The following L3MBTL2 variants were observed in gnomAD, a reference collection of about 807,000 sequenced individuals.
L3MBTL2 encodes the protein L3MBTL histone methyl-lysine binding protein 2.
A neutral mutation model predicts 86.4 loss-of-function variants in L3MBTL2; 49 were observed. The ratio of observed to expected loss-of-function variants is 0.57; its 90% CI spans 0.45 to 0.72. L3MBTL2 has a LOEUF of 0.72. Ranked by LOEUF, L3MBTL2 falls within the 30% of genes least tolerant of loss-of-function variation. The pLI is 0.00. For missense variants in L3MBTL2, 755 were observed against 923.7 expected, an observed-to-expected ratio of 0.82 and a Z score of 2.37; for synonymous variants, 336 against 350.6, an observed-to-expected ratio of 0.96 and a Z score of 0.47.
Position 41,224,882 on chromosome 22 carries a change from C to A in L3MBTL2, c.1251+81C>A. On this transcript the variant is annotated intron_variant, in intron 10 of 16. Transcript: ENST00000216237. The surrounding 1 kb of genome is among the most constrained non-coding windows in gnomAD (Gnocchi z 4.9). ...GAGGGACCTGGCTCTTCCCCTGGGA[C>A]CATCCCTTTCCCTCCTGAGGCCTGC... 1 of 1,553,262 alleles carries A rather than the reference C, an allele frequency of 6.4e-7. No individual in the cohort carries two copies. The highest frequency in any genetic ancestry group is 8.9e-7 in the Non-Finnish European group (1 of 1,125,952).
Position 41,225,614 on chromosome 22 carries a change from C to T in L3MBTL2, c.1357-180C>T, listed in dbSNP as rs1344953116. ...GTCTAGTGGGGAAGAGAAAGAATCC[C>T]ACGCGTATGCATCACAGAAGTACTG... On this transcript the variant is annotated intron_variant, in intron 11 of 16. Transcript: ENST00000216237. This position sits in a 1 kb window ranked among gnomAD's most constrained non-coding sequence, Gnocchi z 4.1. 6.6e-6 allele frequency among the ~76,000 whole-genome samples: 1 copy of T among 152,244 alleles called. No individual in the cohort carries two copies. The highest frequency in any genetic ancestry group is 2.4e-5 in the African/African-American group (1 of 41,466).
chr22:41,230,149 G>T lies in L3MBTL2; in HGVS notation c.2016G>T (p.Val672=), dbSNP rs753748411. 25 of 1,504,226 alleles carry T rather than the reference G, an allele frequency of 1.7e-5. 1 individual carries two copies. In the South Asian group the frequency reaches 2.6e-4, roughly 15 times the overall value. The allele number at this position is 1,504,226 out of a possible 1,614,324, so 93.2% of individuals were successfully genotyped here. The change falls in exon 17 of 17, where the codon GTG becomes GTT. Residue 672 remains valine, a synonymous_variant. Coordinates refer to ENST00000216237, the MANE Select transcript of L3MBTL2 (RefSeq NM_031488.5). ...SEPVPGEIIA[V]RVKEEHLDVA... The stretch of plus-strand genomic sequence containing the variant: ...CCCCTCCCTCTTCAGTCATTGCTGT[G>T]CGTGTGAAGGAAGAGCATCTAGACG...
At chr22:41,217,005 AG>A (rs1431257833) in intron 4 of L3MBTL2, 117 bp from the exon 5 acceptor site, 1 of 726,218 alleles carries the variant, frequency 1.4e-6, no homozygotes, top group Non-Finnish European at 2.4e-6. Flanking sequence ...GCGCTGTGAG[AG>A]GGGCTGCTGG....
intron 3 of L3MBTL2, 42 bp from the exon 4 acceptor site, chr22:41,216,097 C>T: frequency 6.3e-7 from 1 of 1,575,592 alleles, no homozygotes; most frequent in Non-Finnish European, 8.6e-7. Context: ...GACTCATGAT[C>T]CCAGCCGCCA....
intron 2 of L3MBTL2, 122 bp downstream of exon 2, chr22:41,210,055 T>G: frequency 7.2e-7 from 1 of 1,380,958 alleles, no homozygotes; most frequent in Non-Finnish European, 9.7e-7. Flanking sequence ...CTCTGATTTC[T>G]AAGGGATCAG....
At chr22:41,219,909 A>G (rs1307826763) in intron 6 of L3MBTL2, among the ~76,000 whole-genome samples, 1 of 152,084 alleles carries the variant, frequency 6.6e-6, no homozygotes, top group Non-Finnish European at 1.5e-5. Flanking sequence ...ACACACGGCT[A>G]ATGTTTGTAT....
chr22:41,205,562 T>A (rs967399468), intron 1 of L3MBTL2, among the ~76,000 whole-genome samples, 176 bp downstream of exon 1: 1 of 152,146 alleles, frequency 6.6e-6, no homozygotes, highest in Non-Finnish European at 1.5e-5. Flanking sequence ...TTTGCCCCTC[T>A]CCTGCTGGGG....
rs556781704 is a variant in L3MBTL2, at chr22:41,229,641, C to A, written c.1990C>A (p.Pro664Thr). 4 of 1,613,548 alleles carry A rather than the reference C, an allele frequency of 2.5e-6. No individual in the cohort carries two copies. Among genetic ancestry groups the A allele is most frequent in the Non-Finnish European group, 1.7e-6 (2 of 1,180,040 alleles). ...PQGARKISSE[P>T]VPGEIIAVRV... ...GGGTGCCAGGAAGATCTCGTCGGAGCCTGTTCCTGGCGAGAGTAAGAGCCA... is the reference window on the plus strand; with the variant it reads ...GGGTGCCAGGAAGATCTCGTCGGAGACTGTTCCTGGCGAGAGTAAGAGCCA... Residue 664 changes from proline to threonine, a missense_variant, in exon 16 of 17, where the codon CCT (proline) becomes ACT (threonine). Pro to Thr is a conservative substitution (Grantham distance 38, BLOSUM62 -1). This residue lies in a region of L3MBTL2 where 634 missense variants were observed against 748.9 expected (regional missense o/e 0.85). Transcript: ENST00000216237.
At chr22:41,220,056 G>A (rs989037013) in intron 6 of L3MBTL2, among the ~76,000 whole-genome samples, 8 of 152,140 alleles carry the variant, frequency 5.3e-5, no homozygotes, top group Admixed American at 4.6e-4. Flanking sequence ...AATTTTTAAA[G>A]TTTGTTCCAG....
In L3MBTL2 at chr22:41,227,021, G is replaced by A. The variant is rs966139042; in HGVS notation, c.1588-68G>A. Reference sequence around the variant, plus strand: ...CCCTGCCAGTTCTTCAAGTGCCTCCGGGCCGGGGCAAGCCTGCTGGGGTAG... The same window carrying A: ...CCCTGCCAGTTCTTCAAGTGCCTCCAGGCCGGGGCAAGCCTGCTGGGGTAG... On this transcript the variant is annotated intron_variant, in intron 13 of 16. Transcript: ENST00000216237. This position sits in a 1 kb window ranked among gnomAD's most constrained non-coding sequence, Gnocchi z 6.0. 228 of 1,410,158 alleles carry A rather than the reference G, an allele frequency of 1.6e-4. 3 individuals carry two copies. The South Asian group carries it at 2.5e-3, about 15-fold the overall frequency. 87.4% of individuals were successfully genotyped at this position (1,410,158 alleles called of 1,614,324 possible).
chr22:41,223,678 T>A (rs1364464069), intron 8 of L3MBTL2, among the ~76,000 whole-genome samples: 1 of 152,232 alleles, frequency 6.6e-6, no homozygotes, highest in Non-Finnish European at 1.5e-5. Context: ...TGTGTAATTC[T>A]GGGCAGGCGT....
intron 5 of L3MBTL2, chr22:41,217,753 CTTGTT>C (rs1051978427): frequency 1.3e-5 from 2 of 153,798 alleles, no homozygotes; most frequent in African/African-American, 4.8e-5. Context: ...CAACAGCACT[CTTGTT>C]TTGTCTTCAC....
At chr22:41,207,260 T>C (rs1360703649) in intron 1 of L3MBTL2, among the ~76,000 whole-genome samples, 1 of 146,964 alleles carries the variant, frequency 6.8e-6, no homozygotes, top group East Asian at 1.9e-4. Context: ...TTTTTTTTTT[T>C]TGAAACAGGG....
chr22:41,205,420 G>A, intron 1 of L3MBTL2, 34 bp downstream of exon 1: 1 of 1,613,792 alleles, frequency 6.2e-7, no homozygotes, highest in Admixed American at 1.7e-5. Flanking sequence ...GACTGGGAAA[G>A]GGAACTCCGA....
rs768463631 is a variant in L3MBTL2, at chr22:41,225,118, G to A, written c.1356+47G>A. On this transcript the variant is annotated intron_variant, in intron 11 of 16. Coordinates refer to ENST00000216237, the MANE Select transcript of L3MBTL2 (RefSeq NM_031488.5). This position sits in a 1 kb window ranked among gnomAD's most constrained non-coding sequence, Gnocchi z 4.1. ...CAGCCTCCAGATTTCTGAGCGGGGG[G>A]ACCCATGTGGCCCAGAGCTCTAACC... The A allele has an allele frequency of 1.3e-6, 2 of 1,506,400 alleles. No homozygotes were observed. Among genetic ancestry groups the A allele is most frequent in the South Asian group, 1.2e-5 (1 of 84,598 alleles). The allele number at this position is 1,506,400 out of a possible 1,614,324, so 93.3% of individuals were successfully genotyped here. A position where few individuals can be genotyped will look rare whatever the true frequency, so the allele number is the denominator to read the frequency against.
At chr22:41,226,923 C>T (rs1320267649) in intron 13 of L3MBTL2, among the ~76,000 whole-genome samples, 166 bp from the exon 14 acceptor site, 1 of 152,208 alleles carries the variant, frequency 6.6e-6, no homozygotes, top group Non-Finnish European at 1.5e-5. Flanking sequence ...CCATGGAGGG[C>T]GGTACTGGGA....
intron 2 of L3MBTL2, 152 bp from the exon 3 acceptor site, chr22:41,213,741 A>T: frequency 1.2e-6 from 1 of 804,202 alleles, no homozygotes. Flanking sequence ...TATACACACC[A>T]GTACCTCCCA....
At chr22:41,205,660 T>C (rs978250451) in intron 1 of L3MBTL2, among the ~76,000 whole-genome samples, 1 of 152,134 alleles carries the variant, frequency 6.6e-6, no homozygotes, top group African/African-American at 2.4e-5. Flanking sequence ...AGCTCCTGAA[T>C]CTTCCTTATC....
rs3804097 is a variant in L3MBTL2 at position 41,205,381 on chromosome 22, A to T, written c.19A>T (p.Ile7Phe). 2 of 1,614,018 alleles carry T rather than the reference A, an allele frequency of 1.2e-6. No homozygotes were observed. The change falls in exon 1 of 17, where the codon ATT becomes TTT. Residue 7 changes from isoleucine (I) to phenylalanine (F), a missense_variant. Physicochemically the swap from Ile to Phe is conservative, Grantham distance 21. This residue lies in a region of L3MBTL2 where 103 missense variants were observed against 105.2 expected (regional missense o/e 0.98). Transcript: ENST00000216237. ...AGGTCTCATGGAGAAGCCCCGGAGT[A>T]TTGAGGTGAGAAGGCGAGGACTTAG... MEKPRS[I>F]EETPSSEPME...
Sources: gnomAD v4.1 joint callset for allele counts (sites outside exome capture counted in the v4.1 genomes callset) on GRCh38, gnomAD v4.1.1 for gene constraint, gnomAD v4.1.1 regional missense constraint, Gnocchi (gnomAD v3.1) non-coding constraint, MANE v1.5 for transcripts, NCBI Gene and HGNC (gene_info 2026-07-23, HGNC 2026-07-21) for gene names.